Variants in HGSNAT observed in about 807,000 individuals in gnomAD.
The protein encoded by HGSNAT is transmembrane protein 76.
HGSNAT carries 59 observed loss-of-function variants against 85.2 expected under a neutral mutation model. The observed-to-expected ratio is 0.69, with a 90% CI of 0.56 to 0.86. The LOEUF is 0.86. Among genes scored for constraint, HGSNAT ranks in the 40% least tolerant of loss-of-function variants. The pLI is 0.00. For missense variants in HGSNAT, 756 were observed against 777.1 expected, an observed-to-expected ratio of 0.97 and a Z score of 0.32; for synonymous variants, 321 against 304.5, an observed-to-expected ratio of 1.05 and a Z score of -0.56.
chr8:43,173,414 A>G (rs1586728120), intron 8 of HGSNAT, among the ~76,000 whole-genome samples: 1 of 151,162 alleles, frequency 6.6e-6, no homozygotes, highest in African/African-American at 2.4e-5. Context: ...GGTTCAAGTG[A>G]TTCTCCTGCC....
In HGSNAT at chr8:43,192,425, T is replaced by C. The variant is rs1267402133; in HGVS notation, c.1372T>C (p.Ser458Pro). ...GDDHLYQHPSSAVLYHTEVAY... is the reference protein window; with the variant it reads ...GDDHLYQHPSPAVLYHTEVAY... Reference sequence around the variant, plus strand: ...CGATCACCTTTACCAGCACCCATCTTCTGCTGTGAGTGAGACTCGAGTTCG... The same window carrying C: ...CGATCACCTTTACCAGCACCCATCTCCTGCTGTGAGTGAGACTCGAGTTCG... Residue 458 changes from serine to proline, a missense_variant, in exon 13 of 18, where the codon TCT becomes CCT. Coordinates refer to ENST00000379644, the MANE Select transcript of HGSNAT (RefSeq NM_152419.3). 1.9e-6 allele frequency: 3 copies of C among 1,609,384 alleles called. No individual in the cohort carries two copies. The highest frequency in any genetic ancestry group is 2.5e-6 in the Non-Finnish European group (3 of 1,177,546).
chr8:43,195,520 AAG>A (rs1804678672), intron 14 of HGSNAT, among the ~76,000 whole-genome samples: 1 of 144,766 alleles, frequency 6.9e-6, no homozygotes, highest in South Asian at 2.2e-4. Context: ...GAGGAGGAAG[AAG>A]AGGAGGAAGA....
intron 11 of HGSNAT, among the ~76,000 whole-genome samples, chr8:43,187,450 G>A (rs1804356865): frequency 6.6e-6 from 1 of 152,154 alleles, no homozygotes; most frequent in South Asian, 2.1e-4. Context: ...TTTAATCAGA[G>A]ACTTGGATTG....
At chr8:43,154,132 T>G (rs1377016293) in intron 2 of HGSNAT, among the ~76,000 whole-genome samples, 1 of 152,194 alleles carries the variant, frequency 6.6e-6, no homozygotes, top group Middle Eastern at 3.2e-3. Flanking sequence ...AGGCAAGAAT[T>G]TCATGCTAGA....
chr8:43,197,238 T>C (rs745719176), intron 15 of HGSNAT: 70 of 587,502 alleles, frequency 1.2e-4, no homozygotes, highest in Non-Finnish European at 1.9e-4. Flanking sequence ...TAAGGCAGTG[T>C]TTGCCATCAG....
At chr8:43,188,558 G>C (rs1804405803) in intron 11 of HGSNAT, among the ~76,000 whole-genome samples, 1 of 152,110 alleles carries the variant, frequency 6.6e-6, no homozygotes, top group Admixed American at 6.6e-5. Flanking sequence ...CTTTTCTCAA[G>C]GTTTTTAGCT....
At chr8:43,168,284 C>T (rs1803498876) in intron 5 of HGSNAT, among the ~76,000 whole-genome samples, 1 of 151,982 alleles carries the variant, frequency 6.6e-6, no homozygotes, top group Non-Finnish European at 1.5e-5. Context: ...TTTGAATCAC[C>T]CCAAAGTTGC....
rs760878644 is a variant in HGSNAT, at chr8:43,158,603, C to T, written c.263C>T (p.Pro88Leu). Residue 88 changes from proline (P) to leucine (L), a missense_variant, in exon 3 of 18, where the codon CCT becomes CTT. Coordinates refer to ENST00000379644, the MANE Select transcript of HGSNAT (RefSeq NM_152419.3). ...HCLFQVLVNV[P>L]QSPKAGKPSA... ...TTGTTTCAGGTTCTGGTAAACGTTC[C>T]TCAGAGTCCAAAAGCAGGGAAGCCT... 3.7e-6 allele frequency: 6 copies of T among 1,613,892 alleles called. No individual in the cohort carries two copies. The South Asian group carries it at 6.6e-5, about 18-fold the overall frequency.
Position 43,200,745 on chromosome 8 carries a change from A to G in HGSNAT, c.*1176A>G, listed in dbSNP as rs1451594002. 2.0e-5 allele frequency: 3 copies of G among 152,322 alleles called. No homozygotes were observed. The highest frequency in any genetic ancestry group is 4.4e-5 in the Non-Finnish European group (3 of 68,054). The allele number at this position is 152,322 out of a possible 1,614,324, so 9.4% of individuals were successfully genotyped here. ...TTCTGTGGGAATTTCCTGTGTGAGG[A>G]AAACGTGGCCACAGGGTTGTGCTGT... is the stretch of plus-strand genomic sequence containing the variant. On this transcript the variant is annotated 3_prime_UTR_variant, in exon 18 of 18. Transcript: ENST00000379644.
Position 43,180,092 on chromosome 8 carries a change from C to T in HGSNAT, c.1012+1858C>T, listed in dbSNP as rs1175883143. The stretch of plus-strand genomic sequence containing the variant: ...CCCCCCACCTCCCTCCCGGACGGGG[C>T]GGCTGGCCGACCCCCCCCCCCACCG... On this transcript the variant is annotated intron_variant, in intron 10 of 17. Transcript: ENST00000379644. 3.9e-4 allele frequency among the ~76,000 whole-genome samples: 12 copies of T among 30,876 alleles called. 2 individuals carry two copies. Among genetic ancestry groups the T allele is most frequent in the East Asian group, 1.4e-3 (1 of 740 alleles). 20.3% of individuals were successfully genotyped at this position (30,876 alleles called of 152,430 possible). A position where few individuals can be genotyped will look rare whatever the true frequency, so the allele number is the denominator to read the frequency against.
rs1804524344 is a variant in HGSNAT, at chr8:43,191,466, C to A, written c.1129-8C>A. 3 of 1,611,424 alleles carry A rather than the reference C, an allele frequency of 1.9e-6. No homozygotes were observed. In the South Asian group the frequency reaches 3.3e-5, roughly 18 times the overall value. The stretch of plus-strand genomic sequence containing the variant: ...TCACCCGTGTTTTATTTTTCTGCCC[C>A]CACTCAGGAGAGGAGCTGCCTTTCT... On this transcript the variant is annotated splice_polypyrimidine_tract_variant and splice_region_variant and intron_variant, in intron 11 of 17. Coordinates refer to ENST00000379644, the MANE Select transcript of HGSNAT (RefSeq NM_152419.3).
At chr8:43,161,862 C>T (rs953674958) in intron 5 of HGSNAT, among the ~76,000 whole-genome samples, 7 of 152,244 alleles carry the variant, frequency 4.6e-5, no homozygotes, top group African/African-American at 1.7e-4. Context: ...CTCCCTTCCC[C>T]CTCTCTGGCC....
intron 5 of HGSNAT, among the ~76,000 whole-genome samples, chr8:43,167,191 T>A (rs1027294120): frequency 3.9e-5 from 6 of 152,200 alleles, no homozygotes; most frequent in African/African-American, 1.4e-4. Context: ...ACAAAGGATT[T>A]AGAATATCAC....
chr8:43,162,370 A>G (rs1195544198), intron 5 of HGSNAT, among the ~76,000 whole-genome samples: 1 of 152,232 alleles, frequency 6.6e-6, no homozygotes, highest in Non-Finnish European at 1.5e-5. Flanking sequence ...AACTGTGTAT[A>G]GGGTAAAAGA....
Position 43,197,949 on chromosome 8 carries a change from C to G in HGSNAT, c.1723C>G (p.Pro575Ala), listed in dbSNP as rs754143732. 5.6e-5 allele frequency: 90 copies of G among 1,608,098 alleles called. No homozygotes were observed. The South Asian group carries it at 9.7e-4, about 17-fold the overall frequency. The change falls in exon 17 of 18, where the codon CCA becomes GCA. Residue 575 changes from proline to alanine, a missense_variant. Transcript: ENST00000379644. ...GTGGACAGGAACCCCATTCTTTTAT[C>G]CAGGTAAGTCACCTCCAACCTCAAA... ...GLWTGTPFFY[P>A]GMNSILVYVG...
At chr8:43,173,809 G>T in intron 9 of HGSNAT, 66 bp downstream of exon 9, 1 of 1,519,484 alleles carries the variant, frequency 6.6e-7, no homozygotes, top group South Asian at 1.2e-5. Flanking sequence ...TTCAGATGAT[G>T]CTGGAGCCTC....
At chr8:43,140,739 TG>T in intron 1 of HGSNAT, 125 bp downstream of exon 1, 1 of 323,596 alleles carries the variant, frequency 3.1e-6, no homozygotes, top group Non-Finnish European at 4.9e-6. Flanking sequence ...CCCCGTGGCC[TG>T]GGCTGTTGCT....
chr8:43,147,159 C>T (rs1802745454), intron 2 of HGSNAT, 96 bp downstream of exon 2: 3 of 685,652 alleles, frequency 4.4e-6, no homozygotes, highest in Non-Finnish European at 7.3e-6. Context: ...AAGTTAATTT[C>T]AGTTTTGCAG....
At chr8:43,179,512 T>C (rs1156794203) in intron 10 of HGSNAT, among the ~76,000 whole-genome samples, 1 of 111,286 alleles carries the variant, frequency 9.0e-6, no homozygotes, top group Non-Finnish European at 1.8e-5. Context: ...CCCACCTCCC[T>C]CCCGGACGGG....
Sources: allele counts gnomAD v4.1 joint callset (sites outside exome capture counted in the v4.1 genomes callset), GRCh38; gene constraint gnomAD v4.1.1; transcripts MANE v1.5; gene names NCBI Gene and HGNC (gene_info 2026-07-23, HGNC 2026-07-21).